WWOX: variants seen among roughly 807,000 people sequenced by gnomAD.
WWOX encodes WW domain-containing oxidoreductase.
WWOX carries 69 observed loss-of-function variants against 46.2 expected under a neutral mutation model. The observed-to-expected ratio is 1.49, with a 90% CI of 1.23 to 1.82. The LOEUF (loss-of-function observed/expected upper bound fraction) is 1.82. WWOX is among the 40% of genes most tolerant of loss of function. The pLI, the probability that WWOX is intolerant of heterozygous loss-of-function variation, is 0.00. For synonymous variants in WWOX, 359 were observed against 202.6 expected, an observed-to-expected ratio of 1.77 and a Z score of -6.56; for missense variants, 919 against 542.6, an observed-to-expected ratio of 1.69 and a Z score of -6.89.
At chr16:79,028,833 A>T (rs1244523318) in intron 8 of WWOX, among the ~76,000 whole-genome samples, 1 of 151,734 alleles carries the variant, frequency 6.6e-6, no homozygotes, top group Non-Finnish European at 1.5e-5. Context: ...TCTTCAAACC[A>T]ACCTATATCA....
At chr16:79,033,340 CATATACATAAT>C (rs929726865) in intron 8 of WWOX, among the ~76,000 whole-genome samples, 6 of 147,980 alleles carry the variant, frequency 4.1e-5, no homozygotes, top group South Asian at 2.1e-4. Flanking sequence ...ATATATATTA[CATATACATAAT>C]ATATACATAA....
chr16:78,210,807 A>G (rs906628632), intron 5 of WWOX, among the ~76,000 whole-genome samples: 1 of 152,198 alleles, frequency 6.6e-6, no homozygotes, highest in Admixed American at 6.5e-5. Flanking sequence ...ATAATTCTCC[A>G]AAGTAGCCTA....
chr16:78,374,635 GCCTCCT>G (rs2081774848), intron 5 of WWOX, among the ~76,000 whole-genome samples: 1 of 140,962 alleles, frequency 7.1e-6, no homozygotes, highest in African/African-American at 2.6e-5. Flanking sequence ...TGCAAGCTCC[GCCTCCT>G]CGGTTCATGC....
rs145046947 is a variant in WWOX at position 78,531,224 on chromosome 16, C to G, written c.1056+98472C>G. Among the ~76,000 whole-genome samples, 8 of 152,258 alleles carry G rather than the reference C, an allele frequency of 5.3e-5. No homozygotes were observed. The East Asian group carries it at 9.7e-4, about 18-fold the overall frequency. ...CAGCGTGAATGCAGACTCTTACATTCAGTGCTGGGAGTCTTTCTTGAGGGA... is the reference window on the plus strand; with the variant it reads ...CAGCGTGAATGCAGACTCTTACATTGAGTGCTGGGAGTCTTTCTTGAGGGA... On this transcript the variant is annotated intron_variant, in intron 8 of 8. Coordinates refer to ENST00000566780, the MANE Select transcript of WWOX (RefSeq NM_016373.4).
At chr16:78,556,038 G>C (rs2044286805) in intron 8 of WWOX, among the ~76,000 whole-genome samples, 1 of 152,062 alleles carries the variant, frequency 6.6e-6, no homozygotes, top group African/African-American at 2.4e-5. Flanking sequence ...GTCCAGCCAG[G>C]CCCGGGCTAT....
At chr16:78,623,767 A>T (rs1032138375) in intron 8 of WWOX, among the ~76,000 whole-genome samples, 1 of 151,972 alleles carries the variant, frequency 6.6e-6, no homozygotes, top group Non-Finnish European at 1.5e-5. Flanking sequence ...CTTTTTGAGG[A>T]AAGTTCTATT....
intron 8 of WWOX, among the ~76,000 whole-genome samples, chr16:79,179,783 C>A (rs1414093316): frequency 2.0e-5 from 3 of 152,206 alleles, no homozygotes; most frequent in African/African-American, 7.2e-5. Context: ...AATCCCTTAA[C>A]TCCTTGGGAT....
At chr16:78,322,546 T>C (rs1368937956) in intron 5 of WWOX, among the ~76,000 whole-genome samples, 1 of 152,202 alleles carries the variant, frequency 6.6e-6, no homozygotes, top group African/African-American at 2.4e-5. Flanking sequence ...ATGAAGTAAC[T>C]TGCCCCTAGC....
At chr16:79,153,896 G>C (rs1947647562) in intron 8 of WWOX, among the ~76,000 whole-genome samples, 1 of 152,130 alleles carries the variant, frequency 6.6e-6, no homozygotes, top group South Asian at 2.1e-4. Context: ...CCTAAGGTTT[G>C]AAAGCGTTTT....
At chr16:78,574,774 G>A (rs372481185) in intron 8 of WWOX, among the ~76,000 whole-genome samples, 1 of 150,766 alleles carries the variant, frequency 6.6e-6, no homozygotes, top group Admixed American at 6.7e-5. Context: ...GAAACAGAGA[G>A]TGAGAATGGT....
At chr16:79,185,551 C>T (rs1480798606) in intron 8 of WWOX, among the ~76,000 whole-genome samples, 5 of 152,126 alleles carry the variant, frequency 3.3e-5, no homozygotes, top group Non-Finnish European at 5.9e-5. Context: ...AGCCTCAGAA[C>T]GGATTGAGAG....
At chr16:78,765,594 G>C (rs1468734628) in intron 8 of WWOX, among the ~76,000 whole-genome samples, 1 of 152,144 alleles carries the variant, frequency 6.6e-6, no homozygotes, top group Non-Finnish European at 1.5e-5. Context: ...TGGGAGAATT[G>C]CTTGAACCCG....
chr16:79,199,627 G>T lies in WWOX; in HGVS notation c.1057-11981G>T, dbSNP rs2051308131. Among the ~76,000 whole-genome samples, 4 of 152,264 alleles carry T rather than the reference G, an allele frequency of 2.6e-5. No individual in the cohort carries two copies. The South Asian group carries it at 8.3e-4, about 32-fold the overall frequency. On this transcript the variant is annotated intron_variant, in intron 8 of 8. Transcript: ENST00000566780. ...GAGTTCAGCTAAAATTCTCCACCTT[G>T]CCACCTAGAACATGTCACAGAAGGT... is the stretch of plus-strand genomic sequence containing the variant.
At chr16:78,366,202 A>G (rs1232722037) in intron 5 of WWOX, among the ~76,000 whole-genome samples, 1 of 152,222 alleles carries the variant, frequency 6.6e-6, no homozygotes, top group African/African-American at 2.4e-5. Flanking sequence ...TTTCATGTTC[A>G]AGAAGACTTG....
intron 8 of WWOX, among the ~76,000 whole-genome samples, chr16:78,737,187 C>T (rs1597518490): frequency 6.6e-6 from 1 of 151,748 alleles, no homozygotes; most frequent in South Asian, 2.1e-4. Context: ...ACAGCTTCCA[C>T]CTCCCATGTT....
rs532528822 is a variant in WWOX, at chr16:78,644,290, T to A, written c.1056+211538T>A. Among the ~76,000 whole-genome samples, 19 of 152,248 alleles carry A rather than the reference T, an allele frequency of 1.2e-4. No homozygotes were observed. The South Asian group carries it at 3.9e-3, about 32-fold the overall frequency. Reference sequence around the variant, plus strand: ...CCCTGTCCTCCCCACCCTAAGCATCTGATCAGACAGGTAGTGCTGGTGGAC... The same window carrying A: ...CCCTGTCCTCCCCACCCTAAGCATCAGATCAGACAGGTAGTGCTGGTGGAC... On this transcript the variant is annotated intron_variant, in intron 8 of 8. Transcript: ENST00000566780.
chr16:78,731,839 C>CTTTTTTTTTTTTTTTTTTTTTTTTTT (rs1358966064), intron 8 of WWOX, among the ~76,000 whole-genome samples: 1 of 111,498 alleles, frequency 9.0e-6, no homozygotes, highest in African/African-American at 5.3e-5. Context: ...AATTTTTTTT[C>CTTTTTTTTTTTTTTTTTTTTTTTTTT]TTTCTCTTTT....
intron 4 of WWOX, among the ~76,000 whole-genome samples, chr16:78,130,364 A>G (rs936979670): frequency 6.6e-6 from 1 of 152,162 alleles, no homozygotes; most frequent in Non-Finnish European, 1.5e-5. Flanking sequence ...GAAGGCAGCC[A>G]TCTGTAACTA....
intron 5 of WWOX, among the ~76,000 whole-genome samples, chr16:78,266,901 A>T (rs2079378104): frequency 6.7e-6 from 1 of 150,164 alleles, no homozygotes; most frequent in Non-Finnish European, 1.5e-5. Context: ...CTTGAATTGC[A>T]TCTCCCAGAA....
Sources: allele counts gnomAD v4.1 joint callset (sites outside exome capture counted in the v4.1 genomes callset), GRCh38; gene constraint gnomAD v4.1.1; transcripts MANE v1.5; gene names NCBI Gene and HGNC (gene_info 2026-07-23, HGNC 2026-07-21).